The following TANK variants were observed in gnomAD, a reference collection of about 807,000 sequenced individuals.
The protein encoded by TANK is TRAF family member-associated NF-kappa-B activator.
A neutral mutation model predicts 43.6 loss-of-function variants in TANK; 15 were observed. That is an observed-to-expected ratio of 0.34 (90% confidence interval 0.23 to 0.53). TANK has a LOEUF of 0.53. Ranked by LOEUF, TANK falls within the 20% of genes least tolerant of loss-of-function variation. TANK has a pLI of 0.94. For synonymous variants in TANK, 162 were observed against 178.2 expected (o/e 0.91, Z 0.73); for missense variants, 417 against 498.6 (o/e 0.84, Z 1.56).
chr2:161,175,893 C>T (rs545320840), intron 1 of TANK, among the ~76,000 whole-genome samples: 30 of 152,188 alleles, frequency 2.0e-4, no homozygotes, highest in Non-Finnish European at 3.2e-4. Context: ...CTGCAGGGGA[C>T]AAGATTGGGT....
Position 161,179,606 on chromosome 2 carries a change from T to C in TANK, c.-49-8T>C, listed in dbSNP as rs756141277. The C allele has an allele frequency of 6.3e-7, 1 of 1,595,950 alleles. No individual in the cohort carries two copies. Among genetic ancestry groups the C allele is most frequent in the Admixed American group, 1.7e-5 (1 of 57,558 alleles). On this transcript the variant is annotated splice_polypyrimidine_tract_variant and splice_region_variant and intron_variant, in intron 1 of 7. Coordinates refer to ENST00000392749, the MANE Select transcript of TANK (RefSeq NM_001199135.3). The stretch of plus-strand genomic sequence containing the variant: ...GTAATTATCTAAATTGATCTCATTA[T>C]TTTGCAGACCTGTCATTTACTCCAT...
intron 1 of TANK, among the ~76,000 whole-genome samples, chr2:161,154,046 A>G (rs1004014930): frequency 1.3e-5 from 2 of 152,216 alleles, no homozygotes; most frequent in Admixed American, 6.5e-5. Flanking sequence ...TATCAGTCAT[A>G]ATGGCCATCC....
intron 4 of TANK, among the ~76,000 whole-genome samples, chr2:161,218,246 T>C (rs1687203960): frequency 6.6e-6 from 1 of 152,160 alleles, no homozygotes; most frequent in South Asian, 2.1e-4. Context: ...TAACTGCTTC[T>C]CAGTGATAAA....
At chr2:161,197,613 TG>T in intron 2 of TANK, 1 of 156,052 alleles carries the variant, frequency 6.4e-6, no homozygotes, top group Non-Finnish European at 1.4e-5. Flanking sequence ...GCTTGGTGTC[TG>T]GTGAGGGCCC....
At chr2:161,219,806 T>A (rs540304155) in intron 4 of TANK, 1 of 426,180 alleles carries the variant, frequency 2.3e-6, no homozygotes, top group African/African-American at 2.1e-5. Flanking sequence ...CCTCAGTTCC[T>A]CCTTTAACAT....
intron 4 of TANK, chr2:161,207,263 A>G (rs957252014): frequency 3.2e-6 from 1 of 308,018 alleles, no homozygotes; most frequent in Non-Finnish European, 4.7e-6. Context: ...TACATCAATT[A>G]TAACTATATT....
intron 1 of TANK, among the ~76,000 whole-genome samples, chr2:161,177,625 T>G: frequency 6.6e-6 from 1 of 152,034 alleles, no homozygotes; most frequent in East Asian, 1.9e-4. Context: ...TAGGCAACAG[T>G]TCCTTAGATA....
upstream of TANK, among the ~76,000 whole-genome samples, chr2:161,158,459 T>C (rs969346998): frequency 6.6e-6 from 1 of 152,222 alleles, no homozygotes; most frequent in African/African-American, 2.4e-5. Context: ...ATATTTCACA[T>C]ACAGGGGAAT....
rs1226551878 is a variant in TANK at position 161,235,548 on chromosome 2, C to A, written c.*30C>A. 2 of 1,559,038 alleles carry A rather than the reference C, an allele frequency of 1.3e-6. No individual in the cohort carries two copies. The highest frequency in any genetic ancestry group is 1.7e-6 in the Non-Finnish European group (2 of 1,150,706). On this transcript the variant is annotated 3_prime_UTR_variant, in exon 8 of 8. Coordinates refer to ENST00000392749, the MANE Select transcript of TANK (RefSeq NM_001199135.3). ...CATTTGAAAACAGACATATCAAGTT[C>A]TATGTGATGATTTTGGGTTTTTAAT...
In TANK at chr2:161,230,984, T is replaced by G; in HGVS notation, c.534T>G (p.Ser178=). ...TTCTCCCTCCAGAAACACAGTGCTC[T>G]GTGCCTATACAGTGTACGGATAAAA... ...IPDTATETQC[S]VPIQCTDKTD... The change falls in exon 7 of 8, where the codon TCT becomes TCG. Residue 178 remains serine (S), a synonymous_variant. Coordinates refer to ENST00000392749, the MANE Select transcript of TANK (RefSeq NM_001199135.3). 6.2e-7 allele frequency: 1 copy of G among 1,613,906 alleles called. No homozygotes were observed.
upstream of TANK, among the ~76,000 whole-genome samples, chr2:161,157,360 G>A (rs1323583865): frequency 1.3e-5 from 2 of 152,176 alleles, no homozygotes; most frequent in East Asian, 3.8e-4. Context: ...AGGAGGCAAG[G>A]CTTTGCAACT....
At chr2:161,143,816 A>G (rs183168797) in intron 1 of TANK, among the ~76,000 whole-genome samples, 268 of 152,294 alleles carry the variant, frequency 1.8e-3, no homozygotes, top group African/African-American at 6.2e-3. Context: ...TATCAGGATG[A>G]TGCTGGCCTC....
chr2:161,193,661 C>T (rs1395964389), intron 2 of TANK, among the ~76,000 whole-genome samples: 2 of 152,194 alleles, frequency 1.3e-5, no homozygotes, highest in Admixed American at 6.5e-5. Flanking sequence ...AATATGGTTT[C>T]CCTCTCCCAA....
intron 2 of TANK, among the ~76,000 whole-genome samples, chr2:161,199,801 T>C (rs982358081): frequency 6.6e-6 from 1 of 152,128 alleles, no homozygotes; most frequent in African/African-American, 2.4e-5. Flanking sequence ...CCCAGCACTT[T>C]GGGAGGCCAA....
intron 1 of TANK, among the ~76,000 whole-genome samples, chr2:161,148,540 G>T (rs1683980658): frequency 6.6e-6 from 1 of 152,056 alleles, no homozygotes. Context: ...AGTCAAATTG[G>T]TTTGTTTTCT....
chr2:161,233,388 C>T (rs1002487615), intron 7 of TANK, among the ~76,000 whole-genome samples: 1 of 151,828 alleles, frequency 6.6e-6, no homozygotes, highest in African/African-American at 2.4e-5. Flanking sequence ...CAGAGCAAGA[C>T]CCTGTCTCAA....
chr2:161,220,571 C>G (rs1176159184), intron 4 of TANK, among the ~76,000 whole-genome samples: 1 of 152,002 alleles, frequency 6.6e-6, no homozygotes, highest in Non-Finnish European at 1.5e-5. Context: ...CCACTGCACT[C>G]CAGCCAGGAC....
chr2:161,140,813 GTTT>G (rs57081002), intron 1 of TANK, among the ~76,000 whole-genome samples: 1 of 150,212 alleles, frequency 6.7e-6, no homozygotes, highest in Non-Finnish European at 1.5e-5. Context: ...GATAGTAAGG[GTTT>G]TTTTTTAATG....
intron 4 of TANK, chr2:161,212,427 T>C (rs921299480): frequency 1.2e-4 from 115 of 983,778 alleles, no homozygotes; most frequent in Non-Finnish European, 1.3e-4. Context: ...ATTGAAATTT[T>C]CTATTGCAGA....
Sources: allele counts gnomAD v4.1 joint callset (sites outside exome capture counted in the v4.1 genomes callset), GRCh38; gene constraint gnomAD v4.1.1; transcripts MANE v1.5; gene names NCBI Gene and HGNC (gene_info 2026-07-23, HGNC 2026-07-21).